The following CEP128 variants were observed in gnomAD, a reference collection of about 807,000 sequenced individuals.
CEP128 encodes the protein centrosomal protein 128kDa.
In CEP128, 132 loss-of-function variants were observed where a neutral mutation model predicts 156.7. The ratio of observed to expected loss-of-function variants is 0.84; its 90% CI spans 0.73 to 0.97. CEP128 has a LOEUF of 0.97. Among genes scored for constraint, CEP128 ranks in the 50% least tolerant of loss-of-function variants. The probability of loss-of-function intolerance (pLI) is 0.00; values close to 1 mark genes in which losing one functional copy is unlikely to be tolerated. For missense variants in CEP128, 1,252 were observed against 1,281.9 expected (o/e 0.98, Z 0.36); for synonymous variants, 469 against 448.9 (o/e 1.04, Z -0.57).
At chr14:80,556,639 T>C (rs1890449324) in intron 21 of CEP128, among the ~76,000 whole-genome samples, 1 of 152,158 alleles carries the variant, frequency 6.6e-6, no homozygotes, top group African/African-American at 2.4e-5. Context: ...TCAGGTATTA[T>C]AACTACTGCA....
At chr14:80,754,080 A>C (rs888643594) in intron 18 of CEP128, among the ~76,000 whole-genome samples, 1 of 152,178 alleles carries the variant, frequency 6.6e-6, no homozygotes, top group African/African-American at 2.4e-5. Flanking sequence ...TCTCCTGTTC[A>C]AAACTCCTTT....
chr14:80,801,272 T>C (rs1220058508), intron 13 of CEP128, among the ~76,000 whole-genome samples: 1 of 152,144 alleles, frequency 6.6e-6, no homozygotes, highest in Non-Finnish European at 1.5e-5. Flanking sequence ...TCCAATACTA[T>C]ATTGAACAGG....
At chr14:80,560,497 A>C (rs1488895225) in intron 20 of CEP128, among the ~76,000 whole-genome samples, 2 of 152,194 alleles carry the variant, frequency 1.3e-5, no homozygotes. Context: ...AAAATTAATT[A>C]ATCGTCTAAA....
At chr14:80,480,381 C>T (rs139273448) in intron 14 of CEP128, among the ~76,000 whole-genome samples, 6 of 152,298 alleles carry the variant, frequency 3.9e-5, no homozygotes, top group South Asian at 2.1e-4. Flanking sequence ...CTCAACACCA[C>T]GTGGAAGCTG....
chr14:80,648,485 C>A (rs1220524415), intron 19 of CEP128, among the ~76,000 whole-genome samples: 2 of 151,868 alleles, frequency 1.3e-5, no homozygotes, highest in East Asian at 3.9e-4. Flanking sequence ...TATTACTAGC[C>A]CTCCTTTGGT....
At chr14:80,667,885 T>C (rs1895689485) in intron 19 of CEP128, among the ~76,000 whole-genome samples, 1 of 149,456 alleles carries the variant, frequency 6.7e-6, no homozygotes. Flanking sequence ...GGAAATGAAT[T>C]TCCTTCAAAT....
chr14:80,882,562 C>T (rs566806428), intron 8 of CEP128, among the ~76,000 whole-genome samples: 1 of 152,160 alleles, frequency 6.6e-6, no homozygotes, highest in South Asian at 2.1e-4. Context: ...AGCAATTCCA[C>T]TGCTAGGTAT....
chr14:80,742,267 T>C (rs900276523), intron 19 of CEP128, among the ~76,000 whole-genome samples: 1 of 152,146 alleles, frequency 6.6e-6, no homozygotes, highest in African/African-American at 2.4e-5. Flanking sequence ...GCATACCCTC[T>C]TTTTCTCCCA....
At position 80,496,595 on chromosome 14, in the gene CEP128, T is replaced by C. The variant is rs549716426; in HGVS notation, c.*884A>G. On this transcript the variant is annotated 3_prime_UTR_variant, in exon 25 of 25. Transcript: ENST00000555265. ...GCATTTAATATAAATCCTTCTCCAC[T>C]AGGAGATCAGCGTGTAAAGGGAATA... is the stretch of plus-strand genomic sequence containing the variant. The C allele has an allele frequency of 4.1e-4, 63 of 152,626 alleles. No homozygotes were observed. Among genetic ancestry groups the C allele is most frequent in the African/African-American group, 1.4e-3 (58 of 41,544 alleles). 9.5% of individuals were successfully genotyped at this position (152,626 alleles called of 1,614,324 possible).
intron 19 of CEP128, among the ~76,000 whole-genome samples, chr14:80,672,950 T>C (rs1595189424): frequency 6.6e-6 from 1 of 152,186 alleles, no homozygotes; most frequent in East Asian, 1.9e-4. Flanking sequence ...AAATAATTTA[T>C]TCTCAAACTT....
Position 80,814,209 on chromosome 14 carries a change from T to C in CEP128, c.1209+16934A>G, listed in dbSNP as rs952588826. Among the ~76,000 whole-genome samples, 5 of 152,188 alleles carry C rather than the reference T, an allele frequency of 3.3e-5. No individual in the cohort carries two copies. The East Asian group carries it at 7.7e-4, about 23-fold the overall frequency. ...AGAGCTTCTAAAATATGTGAATTGA[T>C]GTATTTTCTCTTCAAATATTGCTTC... On this transcript the variant is annotated intron_variant, in intron 13 of 24. Coordinates refer to ENST00000555265, the MANE Select transcript of CEP128 (RefSeq NM_152446.5).
intron 19 of CEP128, among the ~76,000 whole-genome samples, chr14:80,660,889 C>A (rs1895372826): frequency 6.6e-6 from 1 of 152,152 alleles, no homozygotes; most frequent in South Asian, 2.1e-4. Flanking sequence ...TCTACACTAC[C>A]AATTTTACTC....
rs374127530 is a variant in CEP128 at position 80,766,293 on chromosome 14, T to C, written c.2377-4680A>G. Among the ~76,000 whole-genome samples, 7 of 152,290 alleles carry C rather than the reference T, an allele frequency of 4.6e-5. No individual in the cohort carries two copies. In the East Asian group the frequency reaches 1.3e-3, roughly 29 times the overall value. ...GGCTCATATTGTTGACACTTAAGTATAAAGAAAACGTAAAATAAAACTGCT... is the reference window on the plus strand; with the variant it reads ...GGCTCATATTGTTGACACTTAAGTACAAAGAAAACGTAAAATAAAACTGCT... On this transcript the variant is annotated intron_variant, in intron 16 of 24. Transcript: ENST00000555265.
At chr14:80,568,151 T>A (rs1376898412) in intron 20 of CEP128, among the ~76,000 whole-genome samples, 1 of 152,166 alleles carries the variant, frequency 6.6e-6, no homozygotes, top group African/African-American at 2.4e-5. Flanking sequence ...TGCCACTGAA[T>A]ATAGTTGGTC....
At chr14:80,774,626 CGTGTGTGTGTATGTGT>C (rs1900694096) in intron 16 of CEP128, among the ~76,000 whole-genome samples, 1 of 150,508 alleles carries the variant, frequency 6.6e-6, no homozygotes, top group East Asian at 2.0e-4. Flanking sequence ...TGTGTGTGTG[CGTGTGTGTGTATGTGT>C]GTGTGTGTGT....
chr14:80,909,371 TCACACACACACACACACA>T (rs36082524), intron 4 of CEP128, among the ~76,000 whole-genome samples: 1 of 142,334 alleles, frequency 7.0e-6, no homozygotes, highest in Non-Finnish European at 1.5e-5. Flanking sequence ...AAGTGAATTT[TCACACACACACACACACA>T]CACACACACA....
In CEP128 at chr14:80,572,359, A is replaced by G. The variant is rs567631004; in HGVS notation, c.2856+8015T>C. 3.7e-4 allele frequency among the ~76,000 whole-genome samples: 57 copies of G among 152,308 alleles called. No individual in the cohort carries two copies. In the South Asian group the frequency reaches 0.011, roughly 30 times the overall value. On this transcript the variant is annotated intron_variant, in intron 20 of 24. Transcript: ENST00000555265. ...GTCAATGAAAATGTGTTTCAACCAG[A>G]AAGGTATTATTGCTGAGCATTTATT...
downstream of CEP128, among the ~76,000 whole-genome samples, chr14:80,487,119 T>A (rs190913195): frequency 2.0e-5 from 3 of 152,178 alleles, no homozygotes; most frequent in Admixed American, 2.0e-4. Flanking sequence ...GTGTGCTGTA[T>A]TCAGGAAACC....
At chr14:80,720,663 G>A (rs1595281646) in intron 19 of CEP128, among the ~76,000 whole-genome samples, 1 of 152,168 alleles carries the variant, frequency 6.6e-6, no homozygotes, top group African/African-American at 2.4e-5. Context: ...TACTTCCTGT[G>A]TAGCTAATAA....
Sources: allele counts gnomAD v4.1 joint callset (sites outside exome capture counted in the v4.1 genomes callset), GRCh38; gene constraint gnomAD v4.1.1; transcripts MANE v1.5; gene names NCBI Gene and HGNC (gene_info 2026-07-23, HGNC 2026-07-21).